DYNC2H1: variants seen among roughly 807,000 people sequenced by gnomAD.
DYNC2H1 encodes the protein cytoplasmic dynein 2 heavy chain 1.
In DYNC2H1, 410 loss-of-function variants were observed where a neutral mutation model predicts 570.0. The ratio of observed to expected loss-of-function variants is 0.72; its 90% CI spans 0.66 to 0.78. The LOEUF (loss-of-function observed/expected upper bound fraction) is 0.78, where lower values mean the gene tolerates loss of function less well. DYNC2H1 is among the 30% of genes least tolerant of loss of function. The pLI, the probability that DYNC2H1 is intolerant of heterozygous loss-of-function variation, is 0.00. For synonymous variants in DYNC2H1, 1,688 were observed against 1,677.6 expected, an observed-to-expected ratio of 1.01 and a Z score of -0.15; for missense variants, 4,865 against 5,046.4, an observed-to-expected ratio of 0.96 and a Z score of 1.09.
intron 23 of DYNC2H1, 44 bp from the exon 24 acceptor site, chr11:103,154,651 A>C: frequency 6.4e-7 from 1 of 1,570,752 alleles, no homozygotes; most frequent in Non-Finnish European, 8.6e-7. Context: ...TGGTTGTTTT[A>C]TTTTTGGATG....
intron 70 of DYNC2H1, among the ~76,000 whole-genome samples, chr11:103,267,823 T>G (rs576481220): frequency 6.6e-6 from 1 of 151,954 alleles, no homozygotes; most frequent in Non-Finnish European, 1.5e-5. Flanking sequence ...TATATAGATA[T>G]AATTTTTAAA....
At chr11:103,427,346 G>A (rs1032081592) in intron 84 of DYNC2H1, among the ~76,000 whole-genome samples, 1 of 152,046 alleles carries the variant, frequency 6.6e-6, no homozygotes, top group Non-Finnish European at 1.5e-5. Flanking sequence ...TTTACTAGAT[G>A]AAAGAAATGT....
Position 103,115,415 on chromosome 11 carries a change from T to G in DYNC2H1, c.621+120T>G, listed in dbSNP as rs12226466. On this transcript the variant is annotated intron_variant, in intron 4 of 88. Coordinates refer to ENST00000375735, the MANE Select transcript of DYNC2H1 (RefSeq NM_001377.3). ...GATGATTGTGAACAAAATAGATTCT[T>G]TATATGGAGAAAACTTTAAGTTGTA... 8.6e-6 allele frequency: 5 copies of G among 578,914 alleles called. No individual in the cohort carries two copies. In the East Asian group the frequency reaches 1.6e-4, roughly 18 times the overall value. The allele number at this position is 578,914 out of a possible 1,614,324, so 35.9% of individuals were successfully genotyped here.
At chr11:103,344,294 GATAGACATTTTCGTATTGT>G (rs1269305930) in intron 82 of DYNC2H1, among the ~76,000 whole-genome samples, 2 of 152,134 alleles carry the variant, frequency 1.3e-5, no homozygotes, top group African/African-American at 4.8e-5. Flanking sequence ...CTAATAATAG[GATAGACATTTTCGTATTGT>G]ATAGACAGTA....
Position 103,177,683 on chromosome 11 carries a change from A to T in DYNC2H1, c.6002A>T (p.Lys2001Ile). ...AGGGCTGCGCTTTGTAAAACTGGCAAAGTAGTGAAACAATATACTATGAAT... is the reference window on the plus strand; with the variant it reads ...AGGGCTGCGCTTTGTAAAACTGGCATAGTAGTGAAACAATATACTATGAAT... ...MLRAALCKTGKVVKQYTMNPK... is the reference protein window; with the variant it reads ...MLRAALCKTGIVVKQYTMNPK... The change falls in exon 38 of 89, where the codon AAA becomes ATA. Residue 2001 changes from lysine (K) to isoleucine (I), a missense_variant. Lys to Ile is a moderately radical substitution (Grantham distance 102). This residue lies in a region of DYNC2H1 where 231 missense variants were observed against 310.3 expected (regional missense o/e 0.74). Coordinates refer to ENST00000375735, the MANE Select transcript of DYNC2H1 (RefSeq NM_001377.3). This position sits in a 1 kb window ranked among gnomAD's most constrained non-coding sequence, Gnocchi z 4.4. 6.2e-7 allele frequency: 1 copy of T among 1,613,378 alleles called. No homozygotes were observed. The highest frequency in any genetic ancestry group is 1.3e-5 in the African/African-American group (1 of 75,020).
At chr11:103,337,714 G>A (rs1939221283) in intron 82 of DYNC2H1, among the ~76,000 whole-genome samples, 1 of 152,044 alleles carries the variant, frequency 6.6e-6, no homozygotes, top group South Asian at 2.1e-4. Flanking sequence ...TCTTTTGCCT[G>A]TTTTTTAATC....
At chr11:103,272,317 G>A (rs943079437) in intron 70 of DYNC2H1, among the ~76,000 whole-genome samples, 4 of 152,072 alleles carry the variant, frequency 2.6e-5, no homozygotes, top group South Asian at 2.1e-4. Flanking sequence ...GCAAACTATC[G>A]CAGGGACAAA....
chr11:103,164,237 G>A (rs1861209859), intron 30 of DYNC2H1, among the ~76,000 whole-genome samples: 2 of 152,086 alleles, frequency 1.3e-5, no homozygotes, highest in South Asian at 4.2e-4. Context: ...AATGACAATT[G>A]TGTTGGGAGA....
chr11:103,408,684 T>C (rs75120583), intron 84 of DYNC2H1, among the ~76,000 whole-genome samples: 294 of 152,162 alleles, frequency 1.9e-3, no homozygotes, highest in African/African-American at 6.7e-3. Flanking sequence ...GATCCAACAT[T>C]GAGGTCGTAA....
chr11:103,336,298 C>G (rs1939123759), intron 82 of DYNC2H1, among the ~76,000 whole-genome samples: 1 of 152,150 alleles, frequency 6.6e-6, no homozygotes, highest in Non-Finnish European at 1.5e-5. Context: ...TGAGAACATT[C>G]CAAATCTACT....
At chr11:103,365,886 G>A (rs150044505) in intron 83 of DYNC2H1, among the ~76,000 whole-genome samples, 2 of 152,174 alleles carry the variant, frequency 1.3e-5, no homozygotes, top group Non-Finnish European at 2.9e-5. Flanking sequence ...GAACTAGTTC[G>A]ATCATCTTTA....
intron 84 of DYNC2H1, among the ~76,000 whole-genome samples, chr11:103,420,990 G>A (rs916255689): frequency 6.6e-5 from 10 of 152,230 alleles, no homozygotes; most frequent in South Asian, 2.1e-4. Flanking sequence ...TGCACCTCAC[G>A]TGCAAAGACA....
intron 75 of DYNC2H1, among the ~76,000 whole-genome samples, chr11:103,302,677 T>C (rs1362914147): frequency 6.6e-6 from 1 of 152,120 alleles, no homozygotes; most frequent in African/African-American, 2.4e-5. Flanking sequence ...GAGTAGGCAC[T>C]CAACTATCAT....
intron 60 of DYNC2H1, among the ~76,000 whole-genome samples, chr11:103,232,903 A>C (rs1441275296): frequency 6.6e-6 from 1 of 150,590 alleles, no homozygotes; most frequent in Non-Finnish European, 1.5e-5. Context: ...CTCTGTGTTT[A>C]TCCAGTATGG....
intron 75 of DYNC2H1, among the ~76,000 whole-genome samples, chr11:103,297,869 T>G (rs1484225156): frequency 6.6e-6 from 1 of 152,138 alleles, no homozygotes; most frequent in African/African-American, 2.4e-5. Flanking sequence ...GCCATACCTT[T>G]TATTTGTTGT....
intron 84 of DYNC2H1, among the ~76,000 whole-genome samples, chr11:103,416,794 T>TTACAC (rs137937710): frequency 3.3e-4 from 50 of 151,574 alleles, no homozygotes; most frequent in African/African-American, 1.1e-3. Context: ...TGGGATCTAA[T>TTACAC]TAAAGAGTTG....
chr11:103,137,439 A>G (rs891217677), intron 17 of DYNC2H1, among the ~76,000 whole-genome samples: 3 of 152,002 alleles, frequency 2.0e-5, no homozygotes, highest in Non-Finnish European at 4.4e-5. Flanking sequence ...TCAGCTTTCT[A>G]CATATGGTTA....
rs148091830 is a variant in DYNC2H1, at chr11:103,479,464, A to G, written c.*211A>G. 1.5e-3 allele frequency: 685 copies of G among 451,820 alleles called. 9 individuals carry two copies. In the East Asian group the frequency reaches 0.025, roughly 16 times the overall value. 28.0% of individuals were successfully genotyped at this position (451,820 alleles called of 1,614,324 possible). On this transcript the variant is annotated 3_prime_UTR_variant, in exon 89 of 89. Coordinates refer to ENST00000375735, the MANE Select transcript of DYNC2H1 (RefSeq NM_001377.3). The stretch of plus-strand genomic sequence containing the variant: ...AATGGAGTTATTGTTAAAACAGAGT[A>G]TTCTTTTGACAACATTAAATATTTC...
At chr11:103,136,196 T>C (rs12787999) in intron 17 of DYNC2H1, among the ~76,000 whole-genome samples, 1 of 150,702 alleles carries the variant, frequency 6.6e-6, no homozygotes, top group African/African-American at 2.4e-5. Flanking sequence ...TTTTTTTTGG[T>C]TTTTTATTTT....
Sources: gnomAD v4.1 joint callset for allele counts (sites outside exome capture counted in the v4.1 genomes callset) on GRCh38, gnomAD v4.1.1 for gene constraint, gnomAD v4.1.1 regional missense constraint, Gnocchi (gnomAD v3.1) non-coding constraint, MANE v1.5 for transcripts, NCBI Gene and HGNC (gene_info 2026-07-23, HGNC 2026-07-21) for gene names.